Variants in LRMDA observed in about 807,000 individuals in gnomAD.
The protein encoded by LRMDA is leucine rich melanocyte differentiation associated.
Under a neutral mutation model 29.8 loss-of-function variants are expected in LRMDA, and 18 were observed. That is an observed-to-expected ratio of 0.60 (90% confidence interval 0.42 to 0.90). The LOEUF (loss-of-function observed/expected upper bound fraction) is 0.90. Among genes scored for constraint, LRMDA ranks in the 40% least tolerant of loss-of-function variants. The pLI is 0.00. For missense variants in LRMDA, 273 were observed against 273.9 expected (o/e 1.00, Z 0.02); for synonymous variants, 125 against 109.4 (o/e 1.14, Z -0.89).
intron 2 of LRMDA, among the ~76,000 whole-genome samples, chr10:75,648,057 G>A (rs1370073124): frequency 6.6e-6 from 1 of 152,188 alleles, no homozygotes; most frequent in Admixed American, 6.5e-5. Flanking sequence ...AGCTAGTATG[G>A]CTTAGGGATA....
At chr10:76,408,048 G>A (rs1841920866) in intron 6 of LRMDA, among the ~76,000 whole-genome samples, 1 of 152,146 alleles carries the variant, frequency 6.6e-6, no homozygotes. Context: ...TCCTCCCAGT[G>A]TTATCTCAAC....
chr10:75,867,421 A>G (rs1043199517), intron 2 of LRMDA, among the ~76,000 whole-genome samples: 2 of 152,166 alleles, frequency 1.3e-5, no homozygotes, highest in East Asian at 1.9e-4. Flanking sequence ...TCGGCCTCCC[A>G]AAGTGCTGGG....
intron 2 of LRMDA, among the ~76,000 whole-genome samples, chr10:75,443,612 T>G (rs908704312): frequency 6.6e-6 from 1 of 152,188 alleles, no homozygotes; most frequent in Admixed American, 6.5e-5. Flanking sequence ...GTTTGCTGAT[T>G]GTGTTGAGTA....
intron 2 of LRMDA, among the ~76,000 whole-genome samples, chr10:75,697,888 GC>G (rs1842257819): frequency 7.3e-6 from 1 of 137,662 alleles, no homozygotes; most frequent in African/African-American, 2.9e-5. Context: ...TCTAGAACTG[GC>G]TTTTGAAGTA....
At chr10:75,868,023 A>G (rs912069085) in intron 2 of LRMDA, among the ~76,000 whole-genome samples, 6 of 152,212 alleles carry the variant, frequency 3.9e-5, no homozygotes, top group Non-Finnish European at 7.3e-5. Flanking sequence ...ATTTAAAAAT[A>G]TAAAAACTAT....
At chr10:76,028,096 G>C (rs1848090096) in intron 2 of LRMDA, among the ~76,000 whole-genome samples, 1 of 152,100 alleles carries the variant, frequency 6.6e-6, no homozygotes, top group African/African-American at 2.4e-5. Context: ...AATATAAATT[G>C]CCATCCAGCA....
intron 6 of LRMDA, among the ~76,000 whole-genome samples, chr10:76,516,366 T>C (rs982942142): frequency 6.6e-6 from 1 of 152,212 alleles, no homozygotes; most frequent in East Asian, 1.9e-4. Context: ...TATTATACTT[T>C]AAGTTTTAGG....
chr10:76,376,869 T>A (rs1443799110), intron 6 of LRMDA, among the ~76,000 whole-genome samples: 4 of 56,982 alleles, frequency 7.0e-5, no homozygotes, highest in African/African-American at 2.5e-4. Flanking sequence ...GGAAGTCTTT[T>A]TTTTTTTTTT....
At chr10:75,738,858 T>C (rs752271765) in intron 2 of LRMDA, among the ~76,000 whole-genome samples, 13 of 152,176 alleles carry the variant, frequency 8.5e-5, no homozygotes, top group Admixed American at 1.3e-4. Context: ...CTCGAGCTGG[T>C]CTGCCGAGAG....
At chr10:76,193,433 C>T (rs1162005185) in intron 5 of LRMDA, among the ~76,000 whole-genome samples, 2 of 152,104 alleles carry the variant, frequency 1.3e-5, no homozygotes, top group African/African-American at 4.8e-5. Context: ...AGGAAAGGCA[C>T]CTCTGAGGCT....
At chr10:75,468,346 A>G (rs1844684310) in intron 2 of LRMDA, among the ~76,000 whole-genome samples, 1 of 152,142 alleles carries the variant, frequency 6.6e-6, no homozygotes, top group South Asian at 2.1e-4. Context: ...AAGGACCATT[A>G]GGACTCCCAT....
At position 76,240,874 on chromosome 10, in the gene LRMDA, GCACACA is replaced by G. The variant is rs577097678; in HGVS notation, c.517-83520_517-83515del. 3.0e-4 allele frequency among the ~76,000 whole-genome samples: 42 copies of G among 138,820 alleles called. No homozygotes were observed. In the South Asian group the frequency reaches 9.8e-3, roughly 32 times the overall value. 91.1% of individuals were successfully genotyped at this position (138,820 alleles called of 152,430 possible). A position where few individuals can be genotyped will look rare whatever the true frequency, so the allele number is the denominator to read the frequency against. ...TATATATATATACATATATATATAC[GCACACA>G]CACACATACACACATACATACACAC... On this transcript the variant is annotated intron_variant, in intron 5 of 6. Transcript: ENST00000611255.
At chr10:75,677,131 TGGGA>T (rs1200481155) in intron 2 of LRMDA, among the ~76,000 whole-genome samples, 1 of 152,234 alleles carries the variant, frequency 6.6e-6, no homozygotes, top group African/African-American at 2.4e-5. Context: ...TTTATTTCCA[TGGGA>T]ATAGGGCCAG....
chr10:75,922,803 A>G (rs1404153779), intron 2 of LRMDA, among the ~76,000 whole-genome samples: 1 of 151,990 alleles, frequency 6.6e-6, no homozygotes, highest in African/African-American at 2.4e-5. Flanking sequence ...CAAAGTACTC[A>G]TTTTCATCTT....
At chr10:76,219,840 A>G (rs973912748) in intron 5 of LRMDA, among the ~76,000 whole-genome samples, 1 of 152,190 alleles carries the variant, frequency 6.6e-6, no homozygotes, top group African/African-American at 2.4e-5. Context: ...CACCACACCT[A>G]TTCCAAAATT....
At chr10:75,986,969 CT>C (rs1447681906) in intron 2 of LRMDA, among the ~76,000 whole-genome samples, 2 of 152,138 alleles carry the variant, frequency 1.3e-5, no homozygotes, top group Admixed American at 6.5e-5. Context: ...TGAAGAAATG[CT>C]TTTTCCCTCT....
intron 2 of LRMDA, among the ~76,000 whole-genome samples, chr10:75,576,798 C>T (rs984575534): frequency 6.6e-6 from 1 of 152,106 alleles, no homozygotes; most frequent in Non-Finnish European, 1.5e-5. Context: ...AGCAGAGGGG[C>T]CTGTTAGAAG....
intron 2 of LRMDA, among the ~76,000 whole-genome samples, chr10:75,493,857 C>T (rs1589159694): frequency 2.0e-5 from 3 of 151,748 alleles, no homozygotes; most frequent in Admixed American, 1.3e-4. Context: ...TAGGTAGCTC[C>T]TGGTCTTGAC....
intron 5 of LRMDA, among the ~76,000 whole-genome samples, chr10:76,210,482 G>C (rs1851616120): frequency 6.6e-6 from 1 of 152,178 alleles, no homozygotes; most frequent in African/African-American, 2.4e-5. Context: ...TACATAGTAA[G>C]TGCTCAGTAA....
Sources: allele counts gnomAD v4.1 joint callset (sites outside exome capture counted in the v4.1 genomes callset), GRCh38; gene constraint gnomAD v4.1.1; transcripts MANE v1.5; gene names NCBI Gene and HGNC (gene_info 2026-07-23, HGNC 2026-07-21).